SHISAL2A: variants seen among roughly 807,000 people sequenced by gnomAD.
SHISAL2A encodes protein shisa-like-2A.
A neutral mutation model predicts 11.5 loss-of-function variants in SHISAL2A; 18 were observed. The observed-to-expected ratio is 1.57, with a 90% CI of 1.08 to 2.33. The LOEUF is 2.33. Among genes scored for constraint, SHISAL2A ranks in the 30% most tolerant of loss-of-function variants. SHISAL2A has a pLI of 0.00. For synonymous variants in SHISAL2A, 94 were observed against 99.6 expected (o/e 0.94, Z 0.34); for missense variants, 261 against 250.9 (o/e 1.04, Z -0.27).
intron 2 of SHISAL2A, among the ~76,000 whole-genome samples, chr1:52,652,520 G>A (rs749586938): frequency 6.6e-6 from 1 of 151,996 alleles, no homozygotes; most frequent in Non-Finnish European, 1.5e-5. Context: ...ATCAGGAAAA[G>A]GCTAAATATG....
At chr1:52,644,979 T>G (rs1367549017) in intron 2 of SHISAL2A, among the ~76,000 whole-genome samples, 1 of 146,666 alleles carries the variant, frequency 6.8e-6, no homozygotes, top group Non-Finnish European at 1.5e-5. Flanking sequence ...ATTGCGCCAC[T>G]GCACTCCAGC....
intron 1 of SHISAL2A, among the ~76,000 whole-genome samples, chr1:52,642,554 T>C (rs492606): frequency 0.021 from 3,128 of 151,222 alleles, 106 homozygotes; most frequent in African/African-American, 0.072. Flanking sequence ...GCCTCCCGAG[T>C]AGGTGAGATT....
At chr1:52,659,044 GT>G (rs1421866803), downstream of SHISAL2A, among the ~76,000 whole-genome samples, 44 of 18,716 alleles carry the variant, frequency 2.4e-3, no homozygotes, top group African/African-American at 0.019. Flanking sequence ...TGGTGGTGGT[GT>G]GTGTGTGTGT....
At chr1:52,633,121 C>G (rs1000683009), upstream of SHISAL2A, among the ~76,000 whole-genome samples, 4 of 152,196 alleles carry the variant, frequency 2.6e-5, no homozygotes, top group Admixed American at 6.5e-5. This position sits in a 1 kb window ranked among gnomAD's most constrained non-coding sequence, Gnocchi z 6.4. Context: ...CCAGCGCCCT[C>G]GTGCAGGCAG....
intron 4 of SHISAL2A, among the ~76,000 whole-genome samples, chr1:52,663,268 G>T (rs1374886126): frequency 6.6e-6 from 1 of 152,056 alleles, no homozygotes; most frequent in Non-Finnish European, 1.5e-5. Flanking sequence ...ACCCAGAGGC[G>T]TGAGGGATTT....
At chr1:52,664,253 C>T (rs536957971) in intron 4 of SHISAL2A, among the ~76,000 whole-genome samples, 66 of 151,354 alleles carry the variant, frequency 4.4e-4, no homozygotes, top group Middle Eastern at 3.4e-3. Flanking sequence ...TGCAGTGGCG[C>T]GATCTCCGCT....
intron 2 of SHISAL2A, among the ~76,000 whole-genome samples, chr1:52,643,274 T>C (rs1691412378): frequency 6.6e-6 from 1 of 152,242 alleles, no homozygotes; most frequent in Non-Finnish European, 1.5e-5. Flanking sequence ...AAGATGATGT[T>C]TTAATTTTAG....
rs769169690 is a variant in SHISAL2A at position 52,633,545 on chromosome 1, G to T, written c.52G>T (p.Gly18Cys). Residue 18 changes from glycine (G) to cysteine (C), a missense_variant, in exon 1 of 3, where the codon GGC becomes TGC. By Grantham distance (159) the Gly-to-Cys change is radical. Coordinates refer to ENST00000517870, the MANE Select transcript of SHISAL2A (RefSeq NM_001042693.3). The surrounding 1 kb of genome is among the most constrained non-coding windows in gnomAD (Gnocchi z 6.4). ...GAGCGCAGAGCAGGAGGTGGTGCGC[G>T]GCTTCAGCTGCCCGCGGCCGGGGGG... ...YVSAEQEVVRGFSCPRPGGEA... is the reference protein window; with the variant it reads ...YVSAEQEVVRCFSCPRPGGEA... 1.9e-6 allele frequency: 3 copies of T among 1,607,646 alleles called. No homozygotes were observed. The highest frequency in any genetic ancestry group is 1.7e-6 in the Non-Finnish European group (2 of 1,177,506).
chr1:52,651,358 T>C (rs919059027), intron 2 of SHISAL2A, among the ~76,000 whole-genome samples: 1 of 151,900 alleles, frequency 6.6e-6, no homozygotes, highest in Non-Finnish European at 1.5e-5. Flanking sequence ...TGCCTCAGCC[T>C]CCCAAGTAGC....
chr1:52,656,841 C>T lies in SHISAL2A; in HGVS notation c.374C>T (p.Ala125Val), dbSNP rs376662330. The T allele has an allele frequency of 3.7e-6, 6 of 1,613,954 alleles. No individual in the cohort carries two copies. The African/African-American group carries it at 5.3e-5, about 14-fold the overall frequency. Residue 125 changes from alanine to valine, a missense_variant, in exon 3 of 3, where the codon GCA (alanine) becomes GTA (valine). By Grantham distance (64) the Ala-to-Val change is moderately conservative. Coordinates refer to ENST00000517870, the MANE Select transcript of SHISAL2A (RefSeq NM_001042693.3). ...DCQGVNTGMA[A>V]EVPKVSPLQQ... is the part of the protein sequence containing the mutation. ...CAAGGTGTGAACACAGGCATGGCGG[C>T]AGAAGTGCCAAAAGTGAGCCCTCTC...
At chr1:52,660,291 C>G (rs893517409), downstream of SHISAL2A, among the ~76,000 whole-genome samples, 1 of 152,166 alleles carries the variant, frequency 6.6e-6, no homozygotes. Flanking sequence ...CTGACCTACA[C>G]ATCCTAGGCC....
intron 5 of SHISAL2A, among the ~76,000 whole-genome samples, chr1:52,668,290 T>C (rs531425519): frequency 6.6e-6 from 1 of 152,300 alleles, no homozygotes; most frequent in South Asian, 2.1e-4. Context: ...GAACAGTCTG[T>C]GATTAGCACC....
intron 2 of SHISAL2A, among the ~76,000 whole-genome samples, chr1:52,649,854 T>C (rs1440983086): frequency 1.3e-5 from 2 of 152,230 alleles, no homozygotes; most frequent in Non-Finnish European, 2.9e-5. Context: ...CTTATCCTTT[T>C]CTGAAAGTTG....
intron 2 of SHISAL2A, 42 bp downstream of exon 2, chr1:52,643,044 A>T: frequency 6.3e-7 from 1 of 1,596,100 alleles, no homozygotes; most frequent in Non-Finnish European, 8.6e-7. Flanking sequence ...TCGGTAGACT[A>T]GCACCTTTTC....
At chr1:52,666,183 G>A (rs1001718477) in intron 4 of SHISAL2A, among the ~76,000 whole-genome samples, 1 of 152,168 alleles carries the variant, frequency 6.6e-6, no homozygotes, top group African/African-American at 2.4e-5. Flanking sequence ...TGGGAGCGGT[G>A]GCTCACGCCT....
intron 2 of SHISAL2A, among the ~76,000 whole-genome samples, chr1:52,643,409 C>T (rs550279773): frequency 6.6e-6 from 1 of 152,114 alleles, no homozygotes; most frequent in Non-Finnish European, 1.5e-5. Flanking sequence ...TGTGTGTATG[C>T]GTTTTTTTAA....
chr1:52,662,633 G>A (rs1202880259), intron 4 of SHISAL2A, among the ~76,000 whole-genome samples: 7 of 151,492 alleles, frequency 4.6e-5, no homozygotes, highest in Non-Finnish European at 1.0e-4. Flanking sequence ...TTACAGGCGT[G>A]AGGTACCGCC....
At chr1:52,643,071 A>G (rs1691408267) in intron 2 of SHISAL2A, 69 bp downstream of exon 2, 3 of 1,493,180 alleles carry the variant, frequency 2.0e-6, no homozygotes, top group Admixed American at 1.9e-5. Flanking sequence ...GGAGAAATGT[A>G]GAAATGATGT....
chr1:52,668,529 C>G (rs1344983299), intron 5 of SHISAL2A: 1 of 152,254 alleles, frequency 6.6e-6, no homozygotes, highest in Non-Finnish European at 1.5e-5. Flanking sequence ...TTGTCATTTT[C>G]TATGTGTCCA....
Sources: allele counts gnomAD v4.1 joint callset (sites outside exome capture counted in the v4.1 genomes callset), GRCh38; gene constraint gnomAD v4.1.1; non-coding constraint Gnocchi (gnomAD v3.1); transcripts MANE v1.5; gene names NCBI Gene and HGNC (gene_info 2026-07-23, HGNC 2026-07-21).